TANC1: variants seen among roughly 807,000 people sequenced by gnomAD.
TANC1 encodes tetratricopeptide repeat, ankyrin repeat and coiled-coil containing 1.
Under a neutral mutation model 149.7 loss-of-function variants are expected in TANC1, and 77 were observed. The observed-to-expected ratio is 0.51, with a 90% CI of 0.43 to 0.62. The LOEUF is 0.62. Among genes scored for constraint, TANC1 ranks in the 20% least tolerant of loss-of-function variants. The pLI is 0.00. For synonymous variants in TANC1, 854 were observed against 925.0 expected, an observed-to-expected ratio of 0.92 and a Z score of 1.39; for missense variants, 1,985 against 2,321.8, an observed-to-expected ratio of 0.85 and a Z score of 2.98.
At chr2:159,137,465 C>A (rs1003450704) in intron 5 of TANC1, among the ~76,000 whole-genome samples, 9 of 152,168 alleles carry the variant, frequency 5.9e-5, no homozygotes, top group African/African-American at 2.2e-4. Context: ...AAATGCCACC[C>A]TTTTCCTTTC....
intron 13 of TANC1, among the ~76,000 whole-genome samples, chr2:159,178,061 A>C (rs956263796): frequency 6.6e-6 from 1 of 152,284 alleles, no homozygotes; most frequent in Non-Finnish European, 1.5e-5. Context: ...GACACAGCCC[A>C]GGGGCAGACT....
At chr2:159,206,898 G>A (rs1398498443) in intron 19 of TANC1, among the ~76,000 whole-genome samples, 1 of 152,148 alleles carries the variant, frequency 6.6e-6, no homozygotes, top group African/African-American at 2.4e-5. Context: ...GTGTAACCCA[G>A]CCTTCCACAT....
In TANC1 at chr2:159,194,496, A is replaced by G; in HGVS notation, c.2979+3A>G. ...TGCTGACCAAGAAGGGAGTGAGAGT[A>G]AGCGGCAGCCTGCTCTTTTGGGGCT... On this transcript the variant is annotated splice_donor_region_variant and intron_variant, in intron 17 of 26. Coordinates refer to ENST00000263635, the MANE Select transcript of TANC1 (RefSeq NM_033394.3). The G allele has an allele frequency of 6.2e-7, 1 of 1,612,854 alleles. No individual in the cohort carries two copies. Among genetic ancestry groups the G allele is most frequent in the Non-Finnish European group, 8.5e-7 (1 of 1,178,876 alleles).
chr2:159,190,365 C>G (rs1481141200), intron 16 of TANC1, among the ~76,000 whole-genome samples: 1 of 152,138 alleles, frequency 6.6e-6, no homozygotes, highest in Non-Finnish European at 1.5e-5. Flanking sequence ...CTGTGGCTAG[C>G]AGAGTCTGGT....
chr2:159,058,486 G>T (rs2042011936), intron 2 of TANC1, among the ~76,000 whole-genome samples: 1 of 152,102 alleles, frequency 6.6e-6, no homozygotes, highest in Non-Finnish European at 1.5e-5. Flanking sequence ...TTTGTTGTGT[G>T]TAAGGTACAT....
chr2:159,074,023 G>A (rs974085468), intron 3 of TANC1, among the ~76,000 whole-genome samples: 2 of 152,178 alleles, frequency 1.3e-5, no homozygotes, highest in Non-Finnish European at 2.9e-5. Flanking sequence ...GACCAGCTGG[G>A]TAGCCCTAGC....
intron 2 of TANC1, among the ~76,000 whole-genome samples, chr2:159,063,667 T>C (rs1484189799): frequency 6.6e-6 from 1 of 152,188 alleles, no homozygotes; most frequent in East Asian, 1.9e-4. Flanking sequence ...TTGCTATTTA[T>C]GGAGGAAAAC....
At chr2:158,987,642 C>T (rs2035164841) in intron 1 of TANC1, among the ~76,000 whole-genome samples, 1 of 152,216 alleles carries the variant, frequency 6.6e-6, no homozygotes, top group Non-Finnish European at 1.5e-5. Flanking sequence ...CTCTGTCATG[C>T]ATGTCTTTTT....
rs910000846 is a variant in TANC1 at position 159,119,841 on chromosome 2, C to T, written c.260-16353C>T. Among the ~76,000 whole-genome samples the T allele has an allele frequency of 9.9e-5, 15 of 152,240 alleles. 1 individual carries two copies. The highest frequency in any genetic ancestry group is 7.8e-4 in the Admixed American group (12 of 15,294). ...CTCTAAACAGATAATGGCTGAGCCCCCAAATATGGCTTTGCTGCTGCGCTT... is the reference window on the plus strand; with the variant it reads ...CTCTAAACAGATAATGGCTGAGCCCTCAAATATGGCTTTGCTGCTGCGCTT... On this transcript the variant is annotated intron_variant, in intron 4 of 26. Coordinates refer to ENST00000263635, the MANE Select transcript of TANC1 (RefSeq NM_033394.3).
At chr2:158,976,580 G>A (rs1010626948) in intron 1 of TANC1, among the ~76,000 whole-genome samples, 6 of 152,134 alleles carry the variant, frequency 3.9e-5, no homozygotes, top group Non-Finnish European at 5.9e-5. Context: ...ACAAGAAGGT[G>A]GCTCAAAAAT....
intron 22 of TANC1, among the ~76,000 whole-genome samples, chr2:159,221,542 G>T (rs1371373051): frequency 1.3e-5 from 2 of 152,142 alleles, no homozygotes; most frequent in Non-Finnish European, 2.9e-5. Context: ...CTCTGCTTCT[G>T]TTGTGAGTTC....
At chr2:159,144,435 G>A (rs183263800) in intron 5 of TANC1, among the ~76,000 whole-genome samples, 4 of 152,286 alleles carry the variant, frequency 2.6e-5, no homozygotes, top group Non-Finnish European at 4.4e-5. Context: ...GAGTACAGTG[G>A]CACAATCTTG....
At position 159,164,814 on chromosome 2, in the gene TANC1, G is replaced by A. The variant is rs548870848; in HGVS notation, c.946+1268G>A. Among the ~76,000 whole-genome samples the A allele has an allele frequency of 3.3e-5, 5 of 152,318 alleles. No individual in the cohort carries two copies. The South Asian group carries it at 6.2e-4, about 19-fold the overall frequency. ...TAAGTGGCCCTAATGGAAAAGTGCT[G>A]AGGCACAACTCTAATTCACTTTCAA... On this transcript the variant is annotated intron_variant, in intron 8 of 26. Transcript: ENST00000263635.
chr2:159,015,889 T>G (rs1466652551), intron 2 of TANC1, among the ~76,000 whole-genome samples: 1 of 152,172 alleles, frequency 6.6e-6, no homozygotes, highest in African/African-American at 2.4e-5. Flanking sequence ...TGTATTTTGG[T>G]CAAAGCCATT....
intron 18 of TANC1, among the ~76,000 whole-genome samples, chr2:159,197,604 A>AACACACAC (rs35552387): frequency 2.1e-5 from 3 of 143,720 alleles, no homozygotes; most frequent in Admixed American, 6.9e-5. Context: ...TTAAACATTA[A>AACACACAC]ACACACACAC....
At chr2:159,102,260 G>C (rs1574672829) in intron 4 of TANC1, among the ~76,000 whole-genome samples, 1 of 152,116 alleles carries the variant, frequency 6.6e-6, no homozygotes, top group East Asian at 1.9e-4. Flanking sequence ...ACCCTCTTGT[G>C]TGCTGCTTGT....
intron 2 of TANC1, among the ~76,000 whole-genome samples, chr2:159,063,332 A>G (rs530093165): frequency 1.3e-5 from 2 of 152,280 alleles, no homozygotes; most frequent in South Asian, 4.2e-4. Context: ...ATTGGCCCCT[A>G]GGGTCTATTC....
chr2:158,971,581 C>G (rs191749053), intron 1 of TANC1, among the ~76,000 whole-genome samples: 54 of 152,236 alleles, frequency 3.5e-4, no homozygotes, highest in Admixed American at 2.0e-3. Flanking sequence ...CTCCCTGCCC[C>G]CTTTCTCCCC....
intron 1 of TANC1, among the ~76,000 whole-genome samples, chr2:158,970,977 C>A (rs1361039221): frequency 1.3e-5 from 2 of 152,198 alleles, no homozygotes; most frequent in Non-Finnish European, 2.9e-5. Context: ...TATATCCATC[C>A]TTGATCTAAG....
Sources: allele counts gnomAD v4.1 joint callset (sites outside exome capture counted in the v4.1 genomes callset), GRCh38; gene constraint gnomAD v4.1.1; transcripts MANE v1.5; gene names NCBI Gene and HGNC (gene_info 2026-07-23, HGNC 2026-07-21).